The following DRC11 variants were observed in gnomAD, a reference collection of about 807,000 sequenced individuals.
The protein encoded by DRC11 is IQ and AAA domain-containing protein 1.
At chr2:236,399,974 C>G in the DRC11 span, among the ~76,000 whole-genome samples, 1 of 152,182 alleles carries the variant, frequency 6.6e-6, no homozygotes. This position sits in a 1 kb window ranked among gnomAD's most constrained non-coding sequence, Gnocchi z 7.0. Context: ...CCCTCAGCCT[C>G]CCACAGTGTT....
At chr2:236,416,768 T>TATATATATATATATATATAA in the DRC11 span, among the ~76,000 whole-genome samples, 147 of 92,924 alleles carry the variant, frequency 1.6e-3, 5 homozygotes, top group Non-Finnish European at 2.6e-3. Context: ...TATATATATA[T>TATATATATATATATATATAA]AAATAATTTT....
the DRC11 span, chr2:236,408,984 C>T: frequency 4.2e-6 from 3 of 707,256 alleles, no homozygotes; most frequent in Non-Finnish European, 7.8e-6. This position sits in a 1 kb window ranked among gnomAD's most constrained non-coding sequence, Gnocchi z 5.5. Context: ...ATCCTTAGGG[C>T]AGCTCTTCAC....
the DRC11 span, among the ~76,000 whole-genome samples, chr2:236,433,117 T>C: frequency 2.0e-5 from 3 of 152,130 alleles, no homozygotes; most frequent in Non-Finnish European, 4.4e-5. Context: ...TGATGTGCCT[T>C]TTTAGTCTTT....
the DRC11 span, chr2:236,419,312 C>A: frequency 6.6e-7 from 1 of 1,510,868 alleles, no homozygotes; most frequent in South Asian, 1.3e-5. This position sits in a 1 kb window ranked among gnomAD's most constrained non-coding sequence, Gnocchi z 4.8. Flanking sequence ...TCATAGATCC[C>A]TATCAAGAGA....
chr2:236,358,381 TTA>T, the DRC11 span, among the ~76,000 whole-genome samples: 23 of 132,782 alleles, frequency 1.7e-4, no homozygotes, highest in South Asian at 3.2e-3. Context: ...AGATATATAT[TTA>T]TGATATATGA....
chr2:236,419,120 A>G, the DRC11 span: 1 of 1,507,670 alleles, frequency 6.6e-7, no homozygotes, highest in Non-Finnish European at 8.8e-7. This position sits in a 1 kb window ranked among gnomAD's most constrained non-coding sequence, Gnocchi z 4.8. Context: ...ATGAAATCAA[A>G]TTTCTAAAAT....
chr2:236,387,225 T>G, the DRC11 span, among the ~76,000 whole-genome samples: 1 of 148,172 alleles, frequency 6.7e-6, no homozygotes, highest in Non-Finnish European at 1.5e-5. Flanking sequence ...CCTTGTTGAC[T>G]TTCTGTCTCG....
At chr2:236,374,381 G>A in the DRC11 span, among the ~76,000 whole-genome samples, 1 of 152,144 alleles carries the variant, frequency 6.6e-6, no homozygotes. Flanking sequence ...GATTTTGGTG[G>A]ATATTTGACT....
the DRC11 span, among the ~76,000 whole-genome samples, chr2:236,416,708 C>CATAT: frequency 1.9e-4 from 14 of 74,572 alleles, no homozygotes; most frequent in African/African-American, 6.3e-4. Flanking sequence ...TATTTATTTA[C>CATAT]ATATATATAT....
chr2:236,447,107 C>CCTGG, the DRC11 span, among the ~76,000 whole-genome samples: 2 of 151,594 alleles, frequency 1.3e-5, no homozygotes, highest in Admixed American at 1.3e-4. This position sits in a 1 kb window ranked among gnomAD's most constrained non-coding sequence, Gnocchi z 4.6. Context: ...TCCTTCCCAG[C>CCTGG]CTGGCTCTTC....
the DRC11 span, among the ~76,000 whole-genome samples, chr2:236,375,561 G>A: frequency 6.6e-6 from 1 of 152,260 alleles, no homozygotes; most frequent in South Asian, 2.1e-4. The surrounding 1 kb of genome is among the most constrained non-coding windows in gnomAD (Gnocchi z 4.2). Context: ...AAATATTCCA[G>A]CAAAATTCTT....
chr2:236,351,645 G>A, the DRC11 span, among the ~76,000 whole-genome samples: 2 of 151,864 alleles, frequency 1.3e-5, no homozygotes, highest in Admixed American at 6.6e-5. The surrounding 1 kb of genome is among the most constrained non-coding windows in gnomAD (Gnocchi z 7.3). Flanking sequence ...AGGATGTGGT[G>A]GGAGCTGTGC....
the DRC11 span, among the ~76,000 whole-genome samples, chr2:236,504,206 G>C: frequency 6.7e-6 from 1 of 149,868 alleles, no homozygotes; most frequent in Non-Finnish European, 1.5e-5. The surrounding 1 kb of genome is among the most constrained non-coding windows in gnomAD (Gnocchi z 5.0). Flanking sequence ...CGGTGGGGGG[G>C]GGCGTTCAGT....
the DRC11 span, among the ~76,000 whole-genome samples, chr2:236,431,119 A>G: frequency 5.9e-5 from 9 of 152,326 alleles, no homozygotes; most frequent in South Asian, 1.2e-3. This position sits in a 1 kb window ranked among gnomAD's most constrained non-coding sequence, Gnocchi z 4.2. Flanking sequence ...GTTGTGTTCC[A>G]CTACCACAAA....
chr2:236,414,234 G>T, the DRC11 span, among the ~76,000 whole-genome samples: 1 of 151,936 alleles, frequency 6.6e-6, no homozygotes, highest in South Asian at 2.1e-4. Context: ...ATTTTGATGA[G>T]GCCCAATTTA....
chr2:236,344,958 C>T, the DRC11 span, among the ~76,000 whole-genome samples: 15 of 145,988 alleles, frequency 1.0e-4, no homozygotes, highest in South Asian at 8.9e-4. Flanking sequence ...AATGTGCTTC[C>T]CTCTGGGGTG....
the DRC11 span, among the ~76,000 whole-genome samples, chr2:236,399,063 C>T: frequency 1.3e-5 from 2 of 151,774 alleles, no homozygotes; most frequent in Non-Finnish European, 2.9e-5. The surrounding 1 kb of genome is among the most constrained non-coding windows in gnomAD (Gnocchi z 7.0). Flanking sequence ...GATATCGGCT[C>T]ACTGCAAGCT....
chr2:236,365,432 C>T, the DRC11 span, among the ~76,000 whole-genome samples: 1 of 151,866 alleles, frequency 6.6e-6, no homozygotes, highest in African/African-American at 2.4e-5. The surrounding 1 kb of genome is among the most constrained non-coding windows in gnomAD (Gnocchi z 7.4). Context: ...CATGTGGGGC[C>T]GGGAAGCCAG....
the DRC11 span, among the ~76,000 whole-genome samples, chr2:236,436,052 T>G: frequency 5.9e-5 from 9 of 152,202 alleles, no homozygotes; most frequent in Admixed American, 2.0e-4. Context: ...TTTTCCCACA[T>G]GCACACCAAC....
Sources: allele counts gnomAD v4.1 joint callset (sites outside exome capture counted in the v4.1 genomes callset), GRCh38; gene constraint gnomAD v4.1.1; non-coding constraint Gnocchi (gnomAD v3.1); transcripts MANE v1.5; gene names NCBI Gene and HGNC (gene_info 2026-07-23, HGNC 2026-07-21).